Variants in KCNQ5 observed in about 807,000 individuals in gnomAD.
KCNQ5 encodes potassium voltage-gated channel subfamily Q member 5, also known as potassium voltage-gated channel subfamily KQT member 5.
KCNQ5 carries 30 observed loss-of-function variants against 98.2 expected under a neutral mutation model. That is an observed-to-expected ratio of 0.31 (90% CI 0.23 to 0.41). The LOEUF is 0.41. KCNQ5 is among the 10% of genes least tolerant of loss of function. The pLI is 1.00. For missense variants in KCNQ5, 835 were observed against 1,182.5 expected, an observed-to-expected ratio of 0.71 and a Z score of 4.31; for synonymous variants, 458 against 449.4, an observed-to-expected ratio of 1.02 and a Z score of -0.24.
chr6:72,783,963 C>T (rs1035311315), intron 1 of KCNQ5, among the ~76,000 whole-genome samples: 7 of 152,088 alleles, frequency 4.6e-5, no homozygotes, highest in African/African-American at 1.4e-4. Flanking sequence ...CACAAAAGGC[C>T]GTGTAGCCCA....
At position 72,697,171 on chromosome 6, in the gene KCNQ5, C is replaced by T. The variant is rs115926704; in HGVS notation, c.398+74584C>T. On this transcript the variant is annotated intron_variant, in intron 1 of 13. Coordinates refer to ENST00000370398, the MANE Select transcript of KCNQ5 (RefSeq NM_019842.4). ...TTCATTCTCCTCAAGAATCATTGAG[C>T]GATCTTTTCCCTGTGAAACGGTACT... 1.7e-3 allele frequency among the ~76,000 whole-genome samples: 264 copies of T among 152,232 alleles called. 1 individual carries two copies. The highest frequency in any genetic ancestry group is 5.8e-3 in the African/African-American group (241 of 41,534).
chr6:72,969,236 A>G (rs1767759061), intron 1 of KCNQ5, among the ~76,000 whole-genome samples: 1 of 152,252 alleles, frequency 6.6e-6, no homozygotes, highest in African/African-American at 2.4e-5. Context: ...TATAATAAAT[A>G]TTATTGTCAG....
At chr6:73,004,796 A>G (rs1269006099) in intron 2 of KCNQ5, among the ~76,000 whole-genome samples, 1 of 152,202 alleles carries the variant, frequency 6.6e-6, no homozygotes, top group African/African-American at 2.4e-5. Context: ...TGAATGAACT[A>G]CAAACTGGAA....
At position 72,921,000 on chromosome 6, in the gene KCNQ5, TATG is replaced by T. The variant is rs1339724590; in HGVS notation, c.399-82905_399-82903del. 1.2e-4 allele frequency among the ~76,000 whole-genome samples: 18 copies of T among 152,250 alleles called. No homozygotes were observed. The South Asian group carries it at 3.4e-3, about 28-fold the overall frequency. On this transcript the variant is annotated intron_variant, in intron 1 of 13. Transcript: ENST00000370398. ...GACCACCTGAAACATGAAAAAACAC[TATG>T]ATATTAACCTTAGTAAACTCAAAGA...
At chr6:72,712,737 T>A (rs796435098) in intron 1 of KCNQ5, among the ~76,000 whole-genome samples, 3 of 152,178 alleles carry the variant, frequency 2.0e-5, no homozygotes, top group African/African-American at 7.2e-5. Flanking sequence ...AATTTTTTGC[T>A]TTACTACCTC....
At chr6:72,648,267 C>T (rs1765701584) in intron 1 of KCNQ5, among the ~76,000 whole-genome samples, 1 of 152,042 alleles carries the variant, frequency 6.6e-6, no homozygotes, top group Admixed American at 6.6e-5. Context: ...CCAGGGAAGC[C>T]ATCATGGAAC....
chr6:72,766,990 G>T (rs1270935085), intron 1 of KCNQ5, among the ~76,000 whole-genome samples: 1 of 151,900 alleles, frequency 6.6e-6, no homozygotes, highest in East Asian at 1.9e-4. Flanking sequence ...TGAGGAGAAT[G>T]AATTTAAAAT....
At chr6:72,879,449 G>A (rs1355000079) in intron 1 of KCNQ5, among the ~76,000 whole-genome samples, 1 of 151,790 alleles carries the variant, frequency 6.6e-6, no homozygotes, top group Admixed American at 6.6e-5. Flanking sequence ...CCATATCCTT[G>A]CCCATTTCTG....
At chr6:73,046,501 T>C (rs1238389355) in intron 3 of KCNQ5, among the ~76,000 whole-genome samples, 1 of 152,022 alleles carries the variant, frequency 6.6e-6, no homozygotes, top group Non-Finnish European at 1.5e-5. Flanking sequence ...AGAACTACTA[T>C]ATATTAGGTA....
intron 3 of KCNQ5, 100 bp downstream of exon 3, chr6:73,042,162 A>G (rs770152593): frequency 1.4e-6 from 2 of 1,400,394 alleles, no homozygotes; most frequent in Non-Finnish European, 1.0e-6. Flanking sequence ...GCTAACATCC[A>G]TGGAGTACTT....
At chr6:72,957,170 C>CT (rs11374806) in intron 1 of KCNQ5, among the ~76,000 whole-genome samples, 85,522 of 125,312 alleles carry the variant, frequency 0.68, 31,902 homozygotes, top group Non-Finnish European at 0.84. Flanking sequence ...ATGTAGGAAG[C>CT]TTTTTTTTTT....
intron 1 of KCNQ5, among the ~76,000 whole-genome samples, chr6:72,840,948 C>T (rs1004048673): frequency 2.6e-5 from 4 of 152,178 alleles, no homozygotes; most frequent in African/African-American, 9.7e-5. Context: ...CCCTGGTCCT[C>T]ACCTTCACTG....
intron 1 of KCNQ5, among the ~76,000 whole-genome samples, chr6:72,716,562 C>T (rs1209107518): frequency 6.6e-6 from 1 of 152,180 alleles, no homozygotes; most frequent in African/African-American, 2.4e-5. Context: ...TACTTTTTAT[C>T]AATTAATCCT....
intron 10 of KCNQ5, among the ~76,000 whole-genome samples, chr6:73,145,759 GCTATAAAGAACT>G (rs1489341392): frequency 6.6e-6 from 1 of 152,148 alleles, no homozygotes. Flanking sequence ...TTCGCACACT[GCTATAAAGAACT>G]ACCTGAGACT....
intron 1 of KCNQ5, among the ~76,000 whole-genome samples, chr6:72,654,962 C>T (rs900982814): frequency 2.6e-5 from 4 of 152,024 alleles, no homozygotes; most frequent in African/African-American, 9.7e-5. Context: ...GTAAACCAGA[C>T]ATATTTCCAA....
intron 5 of KCNQ5, among the ~76,000 whole-genome samples, chr6:73,089,230 A>T (rs1383753768): frequency 6.6e-6 from 1 of 152,216 alleles, no homozygotes; most frequent in East Asian, 1.9e-4. Flanking sequence ...CAAACAATAA[A>T]CAATTTAATC....
intron 1 of KCNQ5, among the ~76,000 whole-genome samples, chr6:72,877,467 G>T (rs1272229372): frequency 6.6e-6 from 1 of 151,988 alleles, no homozygotes; most frequent in Non-Finnish European, 1.5e-5. Context: ...GTCTATCATT[G>T]ATGGGCATTT....
intron 1 of KCNQ5, among the ~76,000 whole-genome samples, chr6:72,794,183 A>G (rs1774205344): frequency 6.6e-6 from 1 of 152,208 alleles, no homozygotes; most frequent in Non-Finnish European, 1.5e-5. Flanking sequence ...AGCTTTCGGG[A>G]CACATCCGAA....
intron 10 of KCNQ5, among the ~76,000 whole-genome samples, chr6:73,143,899 A>C (rs1396820957): frequency 6.6e-6 from 1 of 152,220 alleles, no homozygotes; most frequent in Non-Finnish European, 1.5e-5. Context: ...AAATAAGCAC[A>C]AAATTAACCA....
Sources: gnomAD v4.1 joint callset for allele counts (sites outside exome capture counted in the v4.1 genomes callset) on GRCh38, gnomAD v4.1.1 for gene constraint, MANE v1.5 for transcripts, NCBI Gene and HGNC (gene_info 2026-07-23, HGNC 2026-07-21) for gene names.